Variants in RAD51B observed in about 807,000 individuals in gnomAD.
The protein encoded by RAD51B is RAD51 paralog B, also known as DNA repair protein RAD51 homolog 2.
In RAD51B, 38 loss-of-function variants were observed where a neutral mutation model predicts 42.2. That is an observed-to-expected ratio of 0.90 (90% CI 0.70 to 1.18). RAD51B has a LOEUF of 1.18. RAD51B is among the 50% of genes most tolerant of loss of function. The pLI, the probability that RAD51B is intolerant of heterozygous loss-of-function variation, is 0.00. For synonymous variants in RAD51B, 154 were observed against 145.2 expected, an observed-to-expected ratio of 1.06 and a Z score of -0.43; for missense variants, 373 against 400.7, an observed-to-expected ratio of 0.93 and a Z score of 0.59.
chr14:68,661,110 T>C (rs978210781), intron 11 of RAD51B, among the ~76,000 whole-genome samples: 2 of 152,138 alleles, frequency 1.3e-5, no homozygotes, highest in African/African-American at 4.8e-5. Flanking sequence ...CAGCAACCTT[T>C]TTGAAAGGAA....
intron 7 of RAD51B, among the ~76,000 whole-genome samples, chr14:68,183,093 T>A (rs1437889662): frequency 1.3e-5 from 2 of 152,142 alleles, no homozygotes; most frequent in Non-Finnish European, 2.9e-5. Flanking sequence ...ACTAACAGGA[T>A]AGATGAATAT....
chr14:68,276,595 C>T (rs986121636), intron 7 of RAD51B, among the ~76,000 whole-genome samples: 6 of 152,018 alleles, frequency 3.9e-5, no homozygotes, highest in Non-Finnish European at 7.4e-5. Flanking sequence ...CTGTCAGTCA[C>T]ATGTTGAGCC....
Position 68,070,837 on chromosome 14 carries a change from A to G in RAD51B, c.756+183633A>G, listed in dbSNP as rs2076729055. ...TGTGAAACATGTCATTGGTAGTTTG[A>G]TAGGAACAGCATTGAATCTGTGTAT... On this transcript the variant is annotated intron_variant, in intron 7 of 10. Coordinates refer to ENST00000471583, the MANE Select transcript of RAD51B (RefSeq NM_133510.4). Among the ~76,000 whole-genome samples the G allele has an allele frequency of 2.0e-5, 3 of 150,946 alleles. 1 individual carries two copies. The South Asian group carries it at 6.3e-4, about 32-fold the overall frequency.
chr14:68,253,274 A>G (rs2080679063), intron 7 of RAD51B, among the ~76,000 whole-genome samples: 1 of 151,996 alleles, frequency 6.6e-6, no homozygotes, highest in Admixed American at 6.5e-5. Flanking sequence ...GTATCATGCC[A>G]TCTGTAGCTT....
intron 7 of RAD51B, chr14:68,000,293 C>G (rs1402280450): frequency 1.3e-5 from 2 of 152,092 alleles, no homozygotes; most frequent in Non-Finnish European, 2.9e-5. Flanking sequence ...AATTGCTTTT[C>G]TCTGTTATCT....
intron 7 of RAD51B, among the ~76,000 whole-genome samples, chr14:68,025,476 CTTTTTTTTTTTTT>C (rs765471138): frequency 1.2e-4 from 5 of 40,976 alleles, no homozygotes; most frequent in Admixed American, 2.8e-4. Context: ...CTGGTCTAGG[CTTTTTTTTTTTTT>C]TTTTTTTTTT....
chr14:68,548,679 G>A (rs573303010), intron 10 of RAD51B, among the ~76,000 whole-genome samples: 40 of 152,356 alleles, frequency 2.6e-4, no homozygotes, highest in Non-Finnish European at 5.1e-4. Flanking sequence ...TTAGCACAGA[G>A]CATCACATGC....
At chr14:68,015,431 C>T (rs2075762181) in intron 7 of RAD51B, among the ~76,000 whole-genome samples, 1 of 152,098 alleles carries the variant, frequency 6.6e-6, no homozygotes, top group Non-Finnish European at 1.5e-5. Flanking sequence ...ATACCTAAGA[C>T]TGGGTAATTT....
At chr14:67,957,936 G>A (rs546540209) in intron 7 of RAD51B, among the ~76,000 whole-genome samples, 36 of 152,238 alleles carry the variant, frequency 2.4e-4, no homozygotes, top group Admixed American at 7.8e-4. Flanking sequence ...GAGAGAGTAG[G>A]ATCAGGAAAC....
At chr14:68,654,809 C>G (rs182454424) in intron 11 of RAD51B, among the ~76,000 whole-genome samples, 3 of 152,282 alleles carry the variant, frequency 2.0e-5, no homozygotes, top group Admixed American at 2.0e-4. Flanking sequence ...CAGGCTTTCC[C>G]AAACCCTCTC....
intron 10 of RAD51B, among the ~76,000 whole-genome samples, chr14:68,517,167 A>G (rs1886214209): frequency 6.6e-6 from 1 of 151,990 alleles, no homozygotes; most frequent in Non-Finnish European, 1.5e-5. Flanking sequence ...TTCAGGATGC[A>G]CCAGAAATGC....
At chr14:68,347,501 G>T (rs938396967) in intron 8 of RAD51B, among the ~76,000 whole-genome samples, 24 of 152,194 alleles carry the variant, frequency 1.6e-4, no homozygotes, top group African/African-American at 5.8e-4. Flanking sequence ...GAGCGACGTA[G>T]TAGGGACCCA....
At chr14:68,250,969 C>T (rs185128287) in intron 7 of RAD51B, among the ~76,000 whole-genome samples, 5 of 152,240 alleles carry the variant, frequency 3.3e-5, no homozygotes, top group Admixed American at 3.3e-4. Flanking sequence ...CAACTTATGT[C>T]CTTCAGTGTC....
At chr14:67,999,005 C>G (rs746977883) in intron 7 of RAD51B, among the ~76,000 whole-genome samples, 8 of 151,862 alleles carry the variant, frequency 5.3e-5, no homozygotes, top group Non-Finnish European at 1.5e-5. Flanking sequence ...TCTTTAAACT[C>G]TGAACTCTGT....
At position 68,674,215 on chromosome 14, in the gene RAD51B, A is replaced by G. The variant is rs370171799; in HGVS notation, c.*11+23359A>G. On this transcript the variant is annotated intron_variant, in intron 11 of 11. Transcript: ENST00000488612. ...CACATACACACATATACATACATAT[A>G]TACGTGTACACACATATGTATACAC... is the stretch of plus-strand genomic sequence containing the variant. Among the ~76,000 whole-genome samples, 7 of 152,148 alleles carry G rather than the reference A, an allele frequency of 4.6e-5. No individual in the cohort carries two copies. The East Asian group carries it at 1.3e-3, about 29-fold the overall frequency.
chr14:68,006,052 G>C (rs1326940509), intron 7 of RAD51B, among the ~76,000 whole-genome samples: 1 of 152,164 alleles, frequency 6.6e-6, no homozygotes, highest in Admixed American at 6.5e-5. Context: ...CCAAAGTGAT[G>C]GTGCTAAACC....
At chr14:68,673,007 A>G (rs12431919) in intron 11 of RAD51B, among the ~76,000 whole-genome samples, 20,647 of 152,192 alleles carry the variant, frequency 0.14, 1,829 homozygotes, top group Non-Finnish European at 0.19. Flanking sequence ...ACAACTCTAG[A>G]TGTTCATCCA....
chr14:67,945,327 C>T lies in RAD51B; in HGVS notation c.756+58123C>T, dbSNP rs148065786. On this transcript the variant is annotated intron_variant, in intron 7 of 10. Transcript: ENST00000471583. ...AGAGTACAGCCAGCTTAGTGATACC[C>T]CAAATTGCCAAGTACCCCTTTCATC... Among the ~76,000 whole-genome samples, 293 of 152,206 alleles carry T rather than the reference C, an allele frequency of 1.9e-3. 3 individuals are homozygous for T. Among genetic ancestry groups the T allele is most frequent in the African/African-American group, 6.8e-3 (282 of 41,518 alleles).
rs1212531344 is a variant in RAD51B at position 68,477,899 on chromosome 14, C to A, written c.*235C>A. On this transcript the variant is annotated 3_prime_UTR_variant, in exon 11 of 11. Transcript: ENST00000471583. ...GTCTCTAGATGTGTAGGGCTGAGGG[C>A]TTTGCCGCCATGGGATGTCAACAGC... The A allele has an allele frequency of 5.3e-6, 7 of 1,314,198 alleles. No individual in the cohort carries two copies. Among genetic ancestry groups the A allele is most frequent in the Non-Finnish European group, 6.8e-6 (7 of 1,032,334 alleles). 81.4% of individuals were successfully genotyped at this position (1,314,198 alleles called of 1,614,324 possible).
Sources: allele counts gnomAD v4.1 joint callset (sites outside exome capture counted in the v4.1 genomes callset), GRCh38; gene constraint gnomAD v4.1.1; transcripts MANE v1.5; gene names NCBI Gene and HGNC (gene_info 2026-07-23, HGNC 2026-07-21).